The following FSTL5 variants were observed in gnomAD, a reference collection of about 807,000 sequenced individuals.
FSTL5 encodes the protein follistatin-related protein 5.
In FSTL5, 62 loss-of-function variants were observed where a neutral mutation model predicts 89.1. The ratio of observed to expected loss-of-function variants is 0.70; its 90% CI spans 0.57 to 0.86. The LOEUF (loss-of-function observed/expected upper bound fraction) is 0.86, where lower values mean the gene tolerates loss of function less well. FSTL5 is among the 40% of genes least tolerant of loss of function. The pLI is 0.00. For synonymous variants in FSTL5, 383 were observed against 346.2 expected (o/e 1.11, Z -1.18); for missense variants, 1,057 against 1,001.6 (o/e 1.06, Z -0.75).
intron 1 of FSTL5, among the ~76,000 whole-genome samples, chr4:162,128,280 T>G (rs1732162684): frequency 6.6e-6 from 1 of 152,202 alleles, no homozygotes; most frequent in Non-Finnish European, 1.5e-5. Context: ...TTTCAAGTTT[T>G]CATCAGAAGT....
In FSTL5 at chr4:161,709,310, TG is replaced by T. The variant is rs568922996; in HGVS notation, c.727+50100del. Among the ~76,000 whole-genome samples, 21 of 152,280 alleles carry T rather than the reference TG, an allele frequency of 1.4e-4. No homozygotes were observed. In the South Asian group the frequency reaches 3.3e-3, roughly 24 times the overall value. ...TCAAAGGCATAAATGAATATAAATT[TG>T]GAGAATTGTATCAGACATATTCTGT... is the stretch of plus-strand genomic sequence containing the variant. On this transcript the variant is annotated intron_variant, in intron 6 of 15. Coordinates refer to ENST00000306100, the MANE Select transcript of FSTL5 (RefSeq NM_020116.5).
chr4:161,918,833 G>C (rs1441291078), intron 4 of FSTL5, among the ~76,000 whole-genome samples: 1 of 151,758 alleles, frequency 6.6e-6, no homozygotes, highest in African/African-American at 2.4e-5. Context: ...TGTAGAGATG[G>C]GGTTTCATCA....
At chr4:161,480,615 C>CAAT (rs943033345) in intron 13 of FSTL5, among the ~76,000 whole-genome samples, 11 of 152,270 alleles carry the variant, frequency 7.2e-5, no homozygotes, top group Non-Finnish European at 8.8e-5. Flanking sequence ...GTGAAGCCTA[C>CAAT]AATTGTCTTG....
intron 5 of FSTL5, among the ~76,000 whole-genome samples, chr4:161,772,270 A>G (rs1334372856): frequency 6.6e-6 from 1 of 152,182 alleles, no homozygotes; most frequent in East Asian, 1.9e-4. Context: ...TTAGAGTTAT[A>G]TATTACATTC....
intron 15 of FSTL5, among the ~76,000 whole-genome samples, chr4:161,424,518 T>A (rs559473297): frequency 8.0e-6 from 1 of 124,588 alleles, no homozygotes; most frequent in Non-Finnish European, 1.7e-5. Context: ...ACATCTCCTT[T>A]TCCTCCTTTA....
intron 6 of FSTL5, among the ~76,000 whole-genome samples, chr4:161,720,942 G>A (rs4691791): frequency 0.25 from 38,619 of 152,048 alleles, 6,420 homozygotes; most frequent in East Asian, 0.62. Context: ...GAGATGTACT[G>A]TACAGCATAG....
At position 161,922,767 on chromosome 4, in the gene FSTL5, C is replaced by T. The variant is rs373394629; in HGVS notation, c.161-2115G>A. Among the ~76,000 whole-genome samples the T allele has an allele frequency of 1.1e-3, 160 of 151,880 alleles. 4 individuals carry two copies. In the South Asian group the frequency reaches 0.032, roughly 30 times the overall value. On this transcript the variant is annotated intron_variant, in intron 3 of 15. Transcript: ENST00000306100. ...TGAGAAGTTAATGCTATCATCAAAA[C>T]CTTATAAAATCATGCAATTATTTGG...
intron 10 of FSTL5, 54 bp from the exon 11 acceptor site, chr4:161,510,478 T>G: frequency 4.9e-6 from 5 of 1,019,188 alleles, no homozygotes; most frequent in Non-Finnish European, 5.8e-6. Context: ...AAGAGAGCTT[T>G]TGCTATATGG....
intron 4 of FSTL5, among the ~76,000 whole-genome samples, chr4:161,819,432 A>T (rs1306169688): frequency 6.6e-6 from 1 of 152,106 alleles, no homozygotes; most frequent in Non-Finnish European, 1.5e-5. Flanking sequence ...AACTTACATA[A>T]ATAAAGCAGA....
chr4:161,832,039 G>C (rs1730862249), intron 4 of FSTL5, among the ~76,000 whole-genome samples: 1 of 152,022 alleles, frequency 6.6e-6, no homozygotes. Flanking sequence ...GTAATACAGA[G>C]ATAAGGGATG....
intron 3 of FSTL5, among the ~76,000 whole-genome samples, chr4:161,972,510 C>A (rs535604676): frequency 1.3e-5 from 2 of 152,230 alleles, no homozygotes; most frequent in South Asian, 4.1e-4. Context: ...CATGGAGTGA[C>A]CCATGTGGTA....
At chr4:161,715,581 C>T (rs1418786648) in intron 6 of FSTL5, among the ~76,000 whole-genome samples, 3 of 152,064 alleles carry the variant, frequency 2.0e-5, no homozygotes, top group African/African-American at 7.2e-5. Context: ...GGTTTATCAC[C>T]CGTAAAAGAA....
chr4:161,597,700 T>C (rs1055201187), intron 7 of FSTL5, among the ~76,000 whole-genome samples: 3 of 151,530 alleles, frequency 2.0e-5, no homozygotes, highest in Admixed American at 1.3e-4. Context: ...AGAAGAAGCC[T>C]ATGGCAGTTG....
intron 3 of FSTL5, among the ~76,000 whole-genome samples, chr4:162,023,289 T>C (rs1254196916): frequency 3.3e-5 from 5 of 152,164 alleles, no homozygotes; most frequent in African/African-American, 9.7e-5. Flanking sequence ...CAATGGCATA[T>C]AGTTGATGTT....
chr4:161,706,453 T>C (rs1738582930), intron 6 of FSTL5, among the ~76,000 whole-genome samples: 1 of 152,024 alleles, frequency 6.6e-6, no homozygotes, highest in African/African-American at 2.4e-5. Context: ...GTTATTGAAT[T>C]ATCCACTCTT....
intron 6 of FSTL5, among the ~76,000 whole-genome samples, chr4:161,711,778 A>T (rs1418454817): frequency 1.3e-5 from 2 of 152,204 alleles, no homozygotes; most frequent in African/African-American, 2.4e-5. Flanking sequence ...ATTATATGTT[A>T]TGAAAAAGTG....
intron 4 of FSTL5, among the ~76,000 whole-genome samples, chr4:161,804,275 C>T (rs1335777302): frequency 6.6e-6 from 1 of 151,974 alleles, no homozygotes; most frequent in Non-Finnish European, 1.5e-5. Flanking sequence ...ACTTTACCTT[C>T]AATGCCTGTC....
chr4:161,676,747 G>GCACA (rs148353944), intron 6 of FSTL5, among the ~76,000 whole-genome samples: 10,843 of 143,272 alleles, frequency 0.076, 561 homozygotes, highest in South Asian at 0.3. Flanking sequence ...ATACATACAC[G>GCACA]CACACACACA....
At chr4:161,941,090 T>C (rs1734568793) in intron 3 of FSTL5, among the ~76,000 whole-genome samples, 1 of 151,858 alleles carries the variant, frequency 6.6e-6, no homozygotes, top group African/African-American at 2.4e-5. Context: ...CTAATTCAAC[T>C]AAATTGTTAT....
Sources: allele counts gnomAD v4.1 joint callset (sites outside exome capture counted in the v4.1 genomes callset), GRCh38; gene constraint gnomAD v4.1.1; transcripts MANE v1.5; gene names NCBI Gene and HGNC (gene_info 2026-07-23, HGNC 2026-07-21).